The following ZMIZ1 variants were observed in gnomAD, a reference collection of about 807,000 sequenced individuals.
ZMIZ1 encodes the protein zinc finger MIZ-type containing 1.
Under a neutral mutation model 113.9 loss-of-function variants are expected in ZMIZ1, and 17 were observed. The ratio of observed to expected loss-of-function variants is 0.15; its 90% CI spans 0.10 to 0.22. The LOEUF is 0.22. ZMIZ1 is among the 10% of genes least tolerant of loss of function. The pLI is 1.00. For missense variants in ZMIZ1, 1,059 were observed against 1,477.8 expected (o/e 0.72, Z 4.65); for synonymous variants, 607 against 603.1 (o/e 1.01, Z -0.09).
At chr10:79,259,025 G>A (rs904188937) in intron 7 of ZMIZ1, among the ~76,000 whole-genome samples, 5 of 152,148 alleles carry the variant, frequency 3.3e-5, no homozygotes, top group East Asian at 1.9e-4. Flanking sequence ...ATTTGTAGGC[G>A]AGGGGAGGAA....
chr10:79,259,769 C>T (rs955755557), intron 7 of ZMIZ1, among the ~76,000 whole-genome samples: 2 of 152,122 alleles, frequency 1.3e-5, no homozygotes, highest in Non-Finnish European at 2.9e-5. Context: ...GCTCACACCA[C>T]GCCCTGCTAA....
intron 1 of ZMIZ1, among the ~76,000 whole-genome samples, chr10:79,097,326 G>C (rs1843202791): frequency 6.6e-6 from 1 of 152,230 alleles, no homozygotes; most frequent in African/African-American, 2.4e-5. Flanking sequence ...TGGCTTGGCT[G>C]TCTGCCACTG....
At chr10:79,095,014 A>C (rs1166152363) in intron 1 of ZMIZ1, among the ~76,000 whole-genome samples, 4 of 151,472 alleles carry the variant, frequency 2.6e-5, no homozygotes, top group African/African-American at 4.8e-5. Context: ...GATGCTGATC[A>C]GAGGCCTGGG....
chr10:79,209,908 G>A (rs2132687948), intron 6 of ZMIZ1, among the ~76,000 whole-genome samples: 1 of 152,348 alleles, frequency 6.6e-6, no homozygotes, highest in East Asian at 1.9e-4. Context: ...TGCCAGACAG[G>A]GATGCAGCCA....
At chr10:79,116,621 C>T (rs1408897643) in intron 1 of ZMIZ1, among the ~76,000 whole-genome samples, 4 of 152,194 alleles carry the variant, frequency 2.6e-5, no homozygotes, top group East Asian at 1.9e-4. Context: ...CTGGCCAGGG[C>T]GGGGCTGACC....
chr10:79,078,455 G>A (rs1264373166), intron 1 of ZMIZ1, among the ~76,000 whole-genome samples: 1 of 151,918 alleles, frequency 6.6e-6, no homozygotes, highest in Non-Finnish European at 1.5e-5. Context: ...GAGGGCAGCA[G>A]AGCACCCCCA....
intron 1 of ZMIZ1, among the ~76,000 whole-genome samples, chr10:79,092,955 G>A (rs1023438068): frequency 6.6e-5 from 10 of 151,892 alleles, no homozygotes; most frequent in Admixed American, 3.3e-4. Flanking sequence ...CCCCAAAGCC[G>A]TTTGAATACA....
At chr10:79,149,158 T>TCTGTCC in intron 3 of ZMIZ1, among the ~76,000 whole-genome samples, 1 of 152,274 alleles carries the variant, frequency 6.6e-6, no homozygotes, top group East Asian at 1.9e-4. Flanking sequence ...TGTCCCTATC[T>TCTGTCC]CTGTCCCTGT....
chr10:79,302,001 G>A, intron 17 of ZMIZ1, 106 bp from the exon 18 acceptor site: 1 of 1,139,754 alleles, frequency 8.8e-7, no homozygotes, highest in Non-Finnish European at 1.3e-6. Context: ...GGAGCCTCCT[G>A]GGCCGGCTGT....
chr10:79,315,653 C>T lies in ZMIZ1; in HGVS notation c.*2904C>T, dbSNP rs927178092. On this transcript the variant is annotated 3_prime_UTR_variant, in exon 25 of 25. Transcript: ENST00000334512. Reference sequence around the variant, plus strand: ...TTTTTTAAGAAACTGCTAATACTTTCTCCCTAATGGAAGCCCTGATCCCCC... The same window carrying T: ...TTTTTTAAGAAACTGCTAATACTTTTTCCCTAATGGAAGCCCTGATCCCCC... 1 of 152,834 alleles carries T rather than the reference C, an allele frequency of 6.5e-6. No homozygotes were observed. The highest frequency in any genetic ancestry group is 2.1e-4 in the South Asian group (1 of 4,826). The allele number at this position is 152,834 out of a possible 1,614,324, so 9.5% of individuals were successfully genotyped here. A position where few individuals can be genotyped will look rare whatever the true frequency, so the allele number is the denominator to read the frequency against.
chr10:79,238,383 G>C (rs1849682371), intron 7 of ZMIZ1, among the ~76,000 whole-genome samples: 1 of 152,202 alleles, frequency 6.6e-6, no homozygotes, highest in African/African-American at 2.4e-5. Flanking sequence ...CGCCCAGGAA[G>C]GGGAGCGGGG....
chr10:79,081,610 T>C (rs1183129698), intron 1 of ZMIZ1, among the ~76,000 whole-genome samples: 2 of 152,186 alleles, frequency 1.3e-5, no homozygotes. Context: ...CTGTGAATAG[T>C]GCTTCCTCCC....
intron 7 of ZMIZ1, among the ~76,000 whole-genome samples, chr10:79,256,927 C>T (rs192026335): frequency 1.3e-5 from 2 of 152,326 alleles, no homozygotes; most frequent in East Asian, 3.9e-4. Flanking sequence ...TGAGGGGTGA[C>T]ATGGCTTGCT....
chr10:79,139,340 C>G (rs1339223139), intron 2 of ZMIZ1, among the ~76,000 whole-genome samples: 1 of 152,204 alleles, frequency 6.6e-6, no homozygotes, highest in African/African-American at 2.4e-5. Flanking sequence ...CCCCCGACAG[C>G]TTCTCCCTGT....
At chr10:79,253,359 G>A (rs1420442486) in intron 7 of ZMIZ1, among the ~76,000 whole-genome samples, 1 of 152,160 alleles carries the variant, frequency 6.6e-6, no homozygotes, top group African/African-American at 2.4e-5. Context: ...CTGGGTGTTG[G>A]GAGTGTGTCT....
At chr10:79,257,570 GC>G (rs942582249) in intron 7 of ZMIZ1, among the ~76,000 whole-genome samples, 31 of 152,244 alleles carry the variant, frequency 2.0e-4, no homozygotes, top group Admixed American at 4.6e-4. Context: ...GGAGGTGCTA[GC>G]ATTGGGAGGT....
At chr10:79,074,913 G>A (rs753802375) in intron 1 of ZMIZ1, among the ~76,000 whole-genome samples, 1 of 152,266 alleles carries the variant, frequency 6.6e-6, no homozygotes, top group Non-Finnish European at 1.5e-5. Flanking sequence ...GGCCCTGCCT[G>A]TCAGGCCCAG....
intron 3 of ZMIZ1, among the ~76,000 whole-genome samples, chr10:79,146,945 CGT>C (rs66763458): frequency 0.63 from 86,459 of 137,658 alleles, 24,894 homozygotes; most frequent in East Asian, 0.78. Context: ...GTGTAGTGTA[CGT>C]GTGTGTGTGT....
intron 3 of ZMIZ1, among the ~76,000 whole-genome samples, chr10:79,150,685 G>A (rs1251359724): frequency 6.6e-6 from 1 of 152,204 alleles, no homozygotes; most frequent in Non-Finnish European, 1.5e-5. Flanking sequence ...GTTTGGGGTG[G>A]GTTGAATGTG....
Sources: allele counts gnomAD v4.1 joint callset (sites outside exome capture counted in the v4.1 genomes callset), GRCh38; gene constraint gnomAD v4.1.1; transcripts MANE v1.5; gene names NCBI Gene and HGNC (gene_info 2026-07-23, HGNC 2026-07-21).